PTPRG: variants seen among roughly 807,000 people sequenced by gnomAD.
PTPRG encodes receptor-type tyrosine-protein phosphatase gamma.
Under a neutral mutation model 165.3 loss-of-function variants are expected in PTPRG, and 102 were observed. The ratio of observed to expected loss-of-function variants is 0.62; its 90% confidence interval spans 0.53 to 0.73. PTPRG has a LOEUF of 0.73. Among genes scored for constraint, PTPRG ranks in the 30% least tolerant of loss-of-function variants. The pLI is 0.00. For missense variants in PTPRG, 1,866 were observed against 1,861.4 expected (o/e 1.00, Z -0.05); for synonymous variants, 675 against 669.5 (o/e 1.01, Z -0.13).
intron 1 of PTPRG, among the ~76,000 whole-genome samples, chr3:61,607,194 T>C (rs1701034818): frequency 6.6e-6 from 1 of 152,196 alleles, no homozygotes; most frequent in Non-Finnish European, 1.5e-5. Flanking sequence ...AGAATTGGTA[T>C]TCTGTGTACC....
intron 3 of PTPRG, among the ~76,000 whole-genome samples, chr3:62,000,462 A>ACATCCAGAGAGAGAAG (rs1004301208): frequency 6.6e-6 from 1 of 152,174 alleles, no homozygotes; most frequent in Non-Finnish European, 1.5e-5. Flanking sequence ...GTGGGAAAAG[A>ACATCCAGAGAGAGAAG]CATCCAGAGA....
At chr3:62,078,016 AG>A in intron 4 of PTPRG, 146 bp from the exon 5 acceptor site, 1 of 565,634 alleles carries the variant, frequency 1.8e-6, no homozygotes, top group Non-Finnish European at 3.1e-6. Context: ...AAAAAAAAAA[AG>A]TTAGCAAAGG....
intron 2 of PTPRG, among the ~76,000 whole-genome samples, chr3:61,931,597 AG>A (rs2039362769): frequency 6.6e-6 from 1 of 152,204 alleles, no homozygotes; most frequent in Non-Finnish European, 1.5e-5. Context: ...GTGTCCTCTT[AG>A]AGCTGCCTTC....
Position 62,267,490 on chromosome 3 carries a change from G to A in PTPRG, c.2737G>A (p.Asp913Asn). ...HSDYINANYV[D>N]GYNKAKAYIA... Reference sequence around the variant, plus strand: ...CGACTACATTAATGCAAACTATGTTGATGTAAGTCAGAACTGTTATTATAA... The same window carrying A: ...CGACTACATTAATGCAAACTATGTTAATGTAAGTCAGAACTGTTATTATAA... The change falls in exon 18 of 30, where the codon GAT becomes AAT. Residue 913 changes from aspartate to asparagine, a missense_variant and splice_region_variant. This residue lies in a region of PTPRG where 1,452 missense variants were observed against 1,463.0 expected (regional missense o/e 0.99). Coordinates refer to ENST00000474889, the MANE Select transcript of PTPRG (RefSeq NM_002841.4). The A allele has an allele frequency of 6.2e-7, 1 of 1,606,156 alleles. No individual in the cohort carries two copies. Among genetic ancestry groups the A allele is most frequent in the Non-Finnish European group, 8.5e-7 (1 of 1,174,458 alleles).
chr3:61,984,720 A>G (rs2040717048), intron 2 of PTPRG, among the ~76,000 whole-genome samples: 1 of 152,126 alleles, frequency 6.6e-6, no homozygotes, highest in Non-Finnish European at 1.5e-5. Context: ...AGAGCTCATG[A>G]GTTTTTCCAT....
In PTPRG at chr3:62,273,988, A is replaced by G; in HGVS notation, c.3465+144A>G. 1.2e-6 allele frequency: 1 copy of G among 804,566 alleles called. No homozygotes were observed. The highest frequency in any genetic ancestry group is 2.7e-5 in the East Asian group (1 of 36,914). The allele number at this position is 804,566 out of a possible 1,614,324, so 49.8% of individuals were successfully genotyped here. A position where few individuals can be genotyped will look rare whatever the true frequency, so the allele number is the denominator to read the frequency against. On this transcript the variant is annotated intron_variant, in intron 23 of 29. Transcript: ENST00000474889. This position sits in a 1 kb window ranked among gnomAD's most constrained non-coding sequence, Gnocchi z 4.1. ...TCCTTGTACTCCTTAAATGTGATGA[A>G]AAAGAAAATACGGTTTTGACCTATG... is the stretch of plus-strand genomic sequence containing the variant.
At chr3:61,744,299 T>C (rs2033113404) in intron 1 of PTPRG, among the ~76,000 whole-genome samples, 1 of 152,246 alleles carries the variant, frequency 6.6e-6, no homozygotes, top group African/African-American at 2.4e-5. Flanking sequence ...TTTTAAATTA[T>C]GTGAGTGCCA....
chr3:61,624,052 C>G (rs1701538883), intron 1 of PTPRG, among the ~76,000 whole-genome samples: 2 of 152,138 alleles, frequency 1.3e-5, no homozygotes, highest in African/African-American at 4.8e-5. Context: ...AGGAGCAGAT[C>G]AAAACCCTCT....
chr3:61,593,460 A>G (rs1157990477), intron 1 of PTPRG, among the ~76,000 whole-genome samples: 2 of 151,794 alleles, frequency 1.3e-5, no homozygotes, highest in African/African-American at 4.8e-5. Flanking sequence ...AGTTAAAATA[A>G]CTGGTTACAT....
chr3:62,129,616 A>G (rs1049993917), intron 5 of PTPRG, among the ~76,000 whole-genome samples: 1 of 152,158 alleles, frequency 6.6e-6, no homozygotes, highest in South Asian at 2.1e-4. Flanking sequence ...CCCTCTAGCA[A>G]TAATGATGAT....
intron 4 of PTPRG, among the ~76,000 whole-genome samples, chr3:62,077,835 C>A (rs772110042): frequency 1.5e-4 from 23 of 151,952 alleles, no homozygotes; most frequent in Admixed American, 6.6e-4. Flanking sequence ...GAAAGCCCAT[C>A]TCTACAAAAA....
chr3:61,804,679 C>T (rs1161515000), intron 2 of PTPRG, among the ~76,000 whole-genome samples: 1 of 115,364 alleles, frequency 8.7e-6, no homozygotes, highest in Non-Finnish European at 1.9e-5. Flanking sequence ...TTTCTCTCTC[C>T]AAAAAAAAAA....
At chr3:62,104,778 G>A (rs1484106259) in intron 5 of PTPRG, among the ~76,000 whole-genome samples, 1 of 152,162 alleles carries the variant, frequency 6.6e-6, no homozygotes, top group Non-Finnish European at 1.5e-5. Flanking sequence ...ACAAAAGCTG[G>A]AACTGATGGT....
At chr3:62,286,773 C>G (rs1383942319) in intron 28 of PTPRG, among the ~76,000 whole-genome samples, 1 of 151,980 alleles carries the variant, frequency 6.6e-6, no homozygotes, top group Non-Finnish European at 1.5e-5. Flanking sequence ...TGTCATTTTA[C>G]CTAGGTTACA....
intron 1 of PTPRG, chr3:61,742,620 T>G (rs1395197086): frequency 6.2e-7 from 1 of 1,603,822 alleles, no homozygotes; most frequent in Non-Finnish European, 8.5e-7. Context: ...CAGCCAGACA[T>G]AACACCTTCT....
intron 2 of PTPRG, among the ~76,000 whole-genome samples, chr3:61,815,548 A>G (rs1018986572): frequency 2.6e-5 from 4 of 152,202 alleles, no homozygotes; most frequent in Non-Finnish European, 4.4e-5. Context: ...CTCTCATTTG[A>G]TCTAATCAGA....
intron 1 of PTPRG, among the ~76,000 whole-genome samples, chr3:61,591,807 GTAGA>G (rs1473734643): frequency 1.1e-4 from 16 of 152,162 alleles, no homozygotes; most frequent in African/African-American, 2.7e-4. Flanking sequence ...TTTGGAACTG[GTAGA>G]TAGATACGGT....
chr3:62,040,153 C>G (rs1390747135), intron 4 of PTPRG, among the ~76,000 whole-genome samples: 2 of 152,138 alleles, frequency 1.3e-5, no homozygotes, highest in Non-Finnish European at 2.9e-5. Flanking sequence ...TGAAAGACTC[C>G]TCCTAATGAA....
At chr3:61,606,742 C>T (rs190773993) in intron 1 of PTPRG, among the ~76,000 whole-genome samples, 15 of 152,316 alleles carry the variant, frequency 9.8e-5, no homozygotes, top group African/African-American at 3.6e-4. Flanking sequence ...GGAAGAAAGG[C>T]AGCTTTCCTG....
Sources: gnomAD v4.1 joint callset for allele counts (sites outside exome capture counted in the v4.1 genomes callset) on GRCh38, gnomAD v4.1.1 for gene constraint, gnomAD v4.1.1 regional missense constraint, Gnocchi (gnomAD v3.1) non-coding constraint, MANE v1.5 for transcripts, NCBI Gene and HGNC (gene_info 2026-07-23, HGNC 2026-07-21) for gene names.